MACROD2: variants seen among roughly 807,000 people sequenced by gnomAD.
The protein encoded by MACROD2 is ADP-ribose glycohydrolase MACROD2.
MACROD2 carries 36 observed loss-of-function variants against 70.4 expected under a neutral mutation model. The ratio of observed to expected loss-of-function variants is 0.51; its 90% CI spans 0.39 to 0.68. The LOEUF is 0.68. MACROD2 is among the 30% of genes least tolerant of loss of function. The pLI is 0.00. For synonymous variants in MACROD2, 172 were observed against 178.8 expected, an observed-to-expected ratio of 0.96 and a Z score of 0.30; for missense variants, 496 against 538.4, an observed-to-expected ratio of 0.92 and a Z score of 0.78.
chr20:15,081,644 C>G (rs2075704429), intron 5 of MACROD2, among the ~76,000 whole-genome samples: 1 of 152,098 alleles, frequency 6.6e-6, no homozygotes, highest in Non-Finnish European at 1.5e-5. Context: ...GAGGCAGTTT[C>G]CCAAGGGAAG....
At chr20:15,879,299 A>G (rs1470496999) in intron 9 of MACROD2, among the ~76,000 whole-genome samples, 4 of 152,142 alleles carry the variant, frequency 2.6e-5, no homozygotes, top group Non-Finnish European at 5.9e-5. Context: ...TTTGAGTGGC[A>G]TGACTCCCTA....
chr20:14,215,868 T>A (rs931017916), intron 3 of MACROD2, among the ~76,000 whole-genome samples: 1 of 152,142 alleles, frequency 6.6e-6, no homozygotes, highest in Non-Finnish European at 1.5e-5. Context: ...TTGTTTGTTT[T>A]TTTCTTACTG....
At chr20:14,450,867 G>A (rs1321566238) in intron 3 of MACROD2, among the ~76,000 whole-genome samples, 1 of 152,094 alleles carries the variant, frequency 6.6e-6, no homozygotes, top group Non-Finnish European at 1.5e-5. Context: ...AAACAGGAAT[G>A]AAGAGATGGT....
chr20:15,406,096 C>G (rs891658843), intron 6 of MACROD2, among the ~76,000 whole-genome samples: 4 of 152,086 alleles, frequency 2.6e-5, no homozygotes, highest in Non-Finnish European at 4.4e-5. Context: ...CTTGACAGGT[C>G]CTTTCACTGC....
chr20:15,250,304 A>G (rs1421790850), intron 6 of MACROD2, among the ~76,000 whole-genome samples: 2 of 152,152 alleles, frequency 1.3e-5, no homozygotes, highest in Non-Finnish European at 2.9e-5. Context: ...CCTTTTGTAC[A>G]CAGCTTTTAT....
intron 5 of MACROD2, among the ~76,000 whole-genome samples, chr20:14,959,713 C>A (rs116064544): frequency 2.6e-5 from 4 of 152,152 alleles, no homozygotes; most frequent in African/African-American, 7.2e-5. Context: ...AGTACTGTTT[C>A]GCAACACATA....
At chr20:15,653,864 T>C (rs958268005) in intron 8 of MACROD2, among the ~76,000 whole-genome samples, 1 of 152,172 alleles carries the variant, frequency 6.6e-6, no homozygotes, top group South Asian at 2.1e-4. Context: ...TCTTTTGCTA[T>C]CTGAGAATTA....
chr20:15,975,103 T>C (rs1035779743), intron 13 of MACROD2, among the ~76,000 whole-genome samples: 4 of 152,096 alleles, frequency 2.6e-5, no homozygotes, highest in African/African-American at 9.7e-5. Flanking sequence ...AAAGACTCCA[T>C]TATAATTCAC....
chr20:14,016,238 C>T (rs1348634973), intron 2 of MACROD2, among the ~76,000 whole-genome samples: 2 of 152,168 alleles, frequency 1.3e-5, no homozygotes. Flanking sequence ...GGAGAAGTAT[C>T]TATTCAAATC....
chr20:15,522,658 C>A (rs886133062), intron 8 of MACROD2, among the ~76,000 whole-genome samples: 1 of 152,080 alleles, frequency 6.6e-6, no homozygotes, highest in Non-Finnish European at 1.5e-5. Flanking sequence ...AATTTGACTG[C>A]CAGCCCAGCA....
intron 5 of MACROD2, among the ~76,000 whole-genome samples, chr20:14,885,107 CAA>C (rs997472484): frequency 6.6e-6 from 1 of 152,092 alleles, no homozygotes; most frequent in African/African-American, 2.4e-5. Context: ...TTTTGGTTTA[CAA>C]ACCCTACCTG....
chr20:15,611,448 G>A (rs2048968135), intron 8 of MACROD2, among the ~76,000 whole-genome samples: 1 of 151,966 alleles, frequency 6.6e-6, no homozygotes, highest in African/African-American at 2.4e-5. Flanking sequence ...TTATACCTAT[G>A]GTTTTCTGAC....
chr20:14,502,086 T>C (rs1199207338), intron 4 of MACROD2, among the ~76,000 whole-genome samples: 1 of 152,206 alleles, frequency 6.6e-6, no homozygotes, highest in African/African-American at 2.4e-5. Context: ...ATGTGACTTG[T>C]TGGTACACAG....
At chr20:15,888,116 A>G (rs2064844757) in intron 10 of MACROD2, among the ~76,000 whole-genome samples, 1 of 152,094 alleles carries the variant, frequency 6.6e-6, no homozygotes, top group Non-Finnish European at 1.5e-5. Context: ...TCATCTCTCA[A>G]ATTAACTGCT....
intron 4 of MACROD2, among the ~76,000 whole-genome samples, chr20:14,521,875 C>G (rs553501651): frequency 3.3e-5 from 5 of 152,266 alleles, no homozygotes; most frequent in Admixed American, 6.5e-5. Context: ...TGACTAATAT[C>G]TTTCTCACAC....
At chr20:14,014,094 A>G (rs2052953157) in intron 2 of MACROD2, among the ~76,000 whole-genome samples, 2 of 152,162 alleles carry the variant, frequency 1.3e-5, no homozygotes, top group South Asian at 4.1e-4. Context: ...TTTTCTTTTT[A>G]ACATATTAAA....
intron 7 of MACROD2, among the ~76,000 whole-genome samples, chr20:15,458,975 T>C (rs912087639): frequency 2.6e-5 from 4 of 152,128 alleles, no homozygotes; most frequent in African/African-American, 9.7e-5. Flanking sequence ...GACAAGTGAA[T>C]GTTGCAGTTG....
At chr20:15,671,376 A>G (rs1286473198) in intron 8 of MACROD2, among the ~76,000 whole-genome samples, 1 of 152,300 alleles carries the variant, frequency 6.6e-6, no homozygotes, top group Middle Eastern at 3.4e-3. Context: ...GTTGGTGGAA[A>G]GATCTCTGAC....
At chr20:14,953,002 T>C (rs1265468919) in intron 5 of MACROD2, among the ~76,000 whole-genome samples, 1 of 151,942 alleles carries the variant, frequency 6.6e-6, no homozygotes, top group Non-Finnish European at 1.5e-5. Context: ...GAGGGAGAAA[T>C]TGAATATGCT....
Sources: allele counts gnomAD v4.1 joint callset (sites outside exome capture counted in the v4.1 genomes callset), GRCh38; gene constraint gnomAD v4.1.1; transcripts MANE v1.5; gene names NCBI Gene and HGNC (gene_info 2026-07-23, HGNC 2026-07-21).